CENPW: variants seen among roughly 807,000 people sequenced by gnomAD.
CENPW encodes the protein cancer-up-regulated gene 2 protein.
A neutral mutation model predicts 11.1 loss-of-function variants in CENPW; 3 were observed. That is an observed-to-expected ratio of 0.27 (90% confidence interval 0.12 to 0.70). CENPW has a LOEUF of 0.70. Among genes scored for constraint, CENPW ranks in the 30% least tolerant of loss-of-function variants. The pLI is 0.77. For missense variants in CENPW, 100 were observed against 105.6 expected, an observed-to-expected ratio of 0.95 and a Z score of 0.23; for synonymous variants, 38 against 42.0, an observed-to-expected ratio of 0.91 and a Z score of 0.37.
At chr6:126,372,673 G>A in the CENPW span, among the ~76,000 whole-genome samples, 1 of 152,160 alleles carries the variant, frequency 6.6e-6, no homozygotes, top group African/African-American at 2.4e-5. Flanking sequence ...TTTTAAGAAT[G>A]AGGCCCTAAA....
the CENPW span, among the ~76,000 whole-genome samples, chr6:126,417,316 C>T: frequency 6.6e-6 from 1 of 152,184 alleles, no homozygotes; most frequent in Non-Finnish European, 1.5e-5. Flanking sequence ...TTTACTGGCT[C>T]ATGGGCAGAA....
At chr6:126,446,070 G>A in the CENPW span, among the ~76,000 whole-genome samples, 1 of 151,034 alleles carries the variant, frequency 6.6e-6, no homozygotes, top group Non-Finnish European at 1.5e-5. Context: ...AAACCCAGTG[G>A]CTCACATGAC....
At chr6:126,388,151 GTTTA>G in the CENPW span, among the ~76,000 whole-genome samples, 11 of 152,042 alleles carry the variant, frequency 7.2e-5, no homozygotes, top group African/African-American at 2.2e-4. Flanking sequence ...TCATACAACT[GTTTA>G]TTTGTCATAA....
the CENPW span, among the ~76,000 whole-genome samples, chr6:126,371,283 G>A: frequency 6.6e-6 from 1 of 151,770 alleles, no homozygotes; most frequent in Non-Finnish European, 1.5e-5. Flanking sequence ...TTTTACTGAG[G>A]GTTTTAATCA....
chr6:126,413,628 T>C, the CENPW span, among the ~76,000 whole-genome samples: 2 of 151,772 alleles, frequency 1.3e-5, no homozygotes, highest in African/African-American at 4.8e-5. Context: ...ATTACTATCA[T>C]GAAAACATGG....
At chr6:126,385,517 T>C in the CENPW span, among the ~76,000 whole-genome samples, 121 of 152,254 alleles carry the variant, frequency 7.9e-4, no homozygotes, top group African/African-American at 2.7e-3. Flanking sequence ...TTAAACTTTA[T>C]GAAAGAAGAC....
the CENPW span, among the ~76,000 whole-genome samples, chr6:126,377,758 A>G: frequency 6.6e-6 from 1 of 152,230 alleles, no homozygotes. Context: ...TCTCTTCCAA[A>G]GTCCAGATAA....
chr6:126,421,566 C>T, the CENPW span, among the ~76,000 whole-genome samples: 1 of 146,550 alleles, frequency 6.8e-6, no homozygotes, highest in East Asian at 2.3e-4. Flanking sequence ...TTAAATAGCA[C>T]CTTTTCTAAC....
At chr6:126,481,964 A>T in the CENPW span, among the ~76,000 whole-genome samples, 1 of 152,072 alleles carries the variant, frequency 6.6e-6, no homozygotes, top group Admixed American at 6.6e-5. Context: ...CTTATTGATC[A>T]TTTGGATATA....
At chr6:126,471,142 C>A in the CENPW span, among the ~76,000 whole-genome samples, 1 of 152,110 alleles carries the variant, frequency 6.6e-6, no homozygotes, top group African/African-American at 2.4e-5. Context: ...GTGTCCCTAC[C>A]CAAATCTTAT....
the CENPW span, among the ~76,000 whole-genome samples, chr6:126,371,184 C>G: frequency 1.3e-5 from 2 of 152,124 alleles, no homozygotes; most frequent in South Asian, 4.2e-4. Flanking sequence ...AGGGGACATG[C>G]TTCAACTTTT....
At chr6:126,479,768 A>G in the CENPW span, among the ~76,000 whole-genome samples, 2 of 151,976 alleles carry the variant, frequency 1.3e-5, no homozygotes, top group African/African-American at 2.4e-5. Context: ...TATAATTTTA[A>G]GAGGTATCTT....
the CENPW span, among the ~76,000 whole-genome samples, chr6:126,420,841 C>T: frequency 6.6e-6 from 1 of 152,046 alleles, no homozygotes; most frequent in Non-Finnish European, 1.5e-5. Context: ...AGGCCAGGTT[C>T]AGTTTCTGAA....
At chr6:126,361,091 A>G in the CENPW span, among the ~76,000 whole-genome samples, 25 of 152,118 alleles carry the variant, frequency 1.6e-4, no homozygotes, top group Admixed American at 1.6e-3. Flanking sequence ...AGTTGGGTTC[A>G]TTTCGCGATG....
At chr6:126,392,067 T>C in the CENPW span, among the ~76,000 whole-genome samples, 1 of 152,026 alleles carries the variant, frequency 6.6e-6, no homozygotes, top group Non-Finnish European at 1.5e-5. Context: ...TTGGGTAATA[T>C]GGAAATTTTA....
chr6:126,436,461 C>T, the CENPW span, among the ~76,000 whole-genome samples: 1 of 151,730 alleles, frequency 6.6e-6, no homozygotes, highest in Non-Finnish European at 1.5e-5. Context: ...GGACCTTGGA[C>T]ACAACTCTAC....
the CENPW span, among the ~76,000 whole-genome samples, chr6:126,411,957 CCT>C: frequency 2.0e-5 from 1 of 49,616 alleles, no homozygotes; most frequent in Non-Finnish European, 4.2e-5. Flanking sequence ...TTCCTCCCTC[CCT>C]CTCTCTCTCC....
the CENPW span, among the ~76,000 whole-genome samples, chr6:126,467,356 G>T: frequency 1.3e-5 from 2 of 152,110 alleles, no homozygotes; most frequent in Admixed American, 1.3e-4. Flanking sequence ...CCAACAATCT[G>T]ATCTTCAACA....
chr6:126,478,488 A>G, the CENPW span, among the ~76,000 whole-genome samples: 2 of 151,848 alleles, frequency 1.3e-5, no homozygotes, highest in African/African-American at 2.4e-5. Context: ...AAGCCAACAC[A>G]TAGAGAAAGC....
Sources: allele counts gnomAD v4.1 joint callset (sites outside exome capture counted in the v4.1 genomes callset), GRCh38; gene constraint gnomAD v4.1.1; transcripts MANE v1.5; gene names NCBI Gene and HGNC (gene_info 2026-07-23, HGNC 2026-07-21).